Variants in ARPIN observed in about 807,000 individuals in gnomAD.
ARPIN encodes UPF0552 protein C15orf38.
ARPIN carries 23 observed loss-of-function variants against 25.9 expected under a neutral mutation model. The ratio of observed to expected loss-of-function variants is 0.89; its 90% CI spans 0.64 to 1.26. The LOEUF (loss-of-function observed/expected upper bound fraction) is 1.26. ARPIN is among the 50% of genes most tolerant of loss of function. The pLI is 0.00. For synonymous variants in ARPIN, 126 were observed against 131.4 expected, an observed-to-expected ratio of 0.96 and a Z score of 0.28; for missense variants, 333 against 312.2, an observed-to-expected ratio of 1.07 and a Z score of -0.50.
At chr15:89,906,584 C>T (rs560136363) in intron 3 of ARPIN, among the ~76,000 whole-genome samples, 7 of 152,258 alleles carry the variant, frequency 4.6e-5, no homozygotes, top group Non-Finnish European at 8.8e-5. Flanking sequence ...TTCAAGTATA[C>T]GACTGGGTCT....
At chr15:89,912,484 C>T (rs1017538196) in intron 1 of ARPIN, 16 of 1,262,604 alleles carry the variant, frequency 1.3e-5, no homozygotes, top group Non-Finnish European at 1.6e-5. Flanking sequence ...CTTCGGAGAC[C>T]TGTCTGGGGG....
At position 89,900,923 on chromosome 15, in the gene ARPIN, A is replaced by G. The variant is rs558825042; in HGVS notation, c.*872T>C. 6.6e-6 allele frequency: 1 copy of G among 152,390 alleles called. No homozygotes were observed. The highest frequency in any genetic ancestry group is 1.9e-4 in the East Asian group (1 of 5,192). 9.4% of individuals were successfully genotyped at this position (152,390 alleles called of 1,614,324 possible). ...ATAAAAAGTTCTCCAGGTACAAAAC[A>G]ACAACAAAAAAGGTATTCTCAAAAC... On this transcript the variant is annotated 3_prime_UTR_variant, in exon 6 of 6. Coordinates refer to ENST00000357484, the MANE Select transcript of ARPIN (RefSeq NM_182616.4).
intron 2 of ARPIN, among the ~76,000 whole-genome samples, chr15:89,910,323 G>A (rs759177600): frequency 3.3e-5 from 5 of 152,146 alleles, no homozygotes; most frequent in Non-Finnish European, 7.4e-5. Flanking sequence ...GATGGTAAAT[G>A]CCAGGTGTAC....
chr15:89,908,491 C>G (rs1227537797), intron 2 of ARPIN, 79 bp from the exon 3 acceptor site: 27 of 1,584,018 alleles, frequency 1.7e-5, no homozygotes, highest in Non-Finnish European at 2.3e-5. Flanking sequence ...TGCAGCCCCG[C>G]CAACCTCACA....
intron 3 of ARPIN, among the ~76,000 whole-genome samples, chr15:89,907,396 C>A (rs115786642): frequency 0.011 from 1,718 of 152,184 alleles, 26 homozygotes; most frequent in African/African-American, 0.039. Flanking sequence ...GAAAAAAAAT[C>A]ATATGTTGAA....
intron 5 of ARPIN, 133 bp from the exon 6 acceptor site, chr15:89,901,936 T>A: frequency 1.0e-6 from 1 of 1,004,558 alleles, no homozygotes; most frequent in Non-Finnish European, 1.5e-6. Flanking sequence ...GGCGCCTCAT[T>A]AGAGCTGGCC....
intron 1 of ARPIN, chr15:89,912,435 TG>T: frequency 8.4e-7 from 1 of 1,189,376 alleles, no homozygotes; most frequent in Non-Finnish European, 1.0e-6. Context: ...GTTACGCGGG[TG>T]GGGTGGGGCC....
At position 89,904,313 on chromosome 15, in the gene ARPIN, GCCTGGCACATGGACC is replaced by G. The variant is rs568138233; in HGVS notation, c.302-345_302-331del. On this transcript the variant is annotated intron_variant, in intron 3 of 5. Transcript: ENST00000357484. Reference sequence around the variant, plus strand: ...AAGGAAATAAAGCATGTAGCACAGCGCCTGGCACATGGACCCCTAGGTAAGCATTCATATGTTTTC... The same window carrying G: ...AAGGAAATAAAGCATGTAGCACAGCGCCTAGGTAAGCATTCATATGTTTTC... 2.0e-5 allele frequency among the ~76,000 whole-genome samples: 3 copies of G among 152,306 alleles called. No homozygotes were observed. In the South Asian group the frequency reaches 6.2e-4, roughly 32 times the overall value.
chr15:89,908,774 G>C (rs973585436), intron 2 of ARPIN, among the ~76,000 whole-genome samples: 6 of 152,032 alleles, frequency 3.9e-5, no homozygotes, highest in Admixed American at 1.3e-4. Context: ...ACGAGGTCAG[G>C]AGTTCGAGAC....
intron 3 of ARPIN, among the ~76,000 whole-genome samples, chr15:89,907,180 G>A (rs574487184): frequency 1.4e-4 from 21 of 151,436 alleles, no homozygotes; most frequent in African/African-American, 5.1e-4. Context: ...TGATTCTCCT[G>A]CCTCAGCCTC....
intron 3 of ARPIN, among the ~76,000 whole-genome samples, chr15:89,905,649 G>A (rs979812223): frequency 2.0e-5 from 3 of 152,036 alleles, no homozygotes; most frequent in African/African-American, 7.2e-5. Context: ...AGCTCCTCAC[G>A]CCTGTTCCCC....
At position 89,901,771 on chromosome 15, in the gene ARPIN, T is replaced by C; in HGVS notation, c.*24A>G. On this transcript the variant is annotated 3_prime_UTR_variant, in exon 6 of 6. Transcript: ENST00000357484. ...TCCACAATGCTACAGAAGGTGCTGGTGCCCCCAGAGGCAGCCACGTCCCTC... is the reference window on the plus strand; with the variant it reads ...TCCACAATGCTACAGAAGGTGCTGGCGCCCCCAGAGGCAGCCACGTCCCTC... 6.2e-7 allele frequency: 1 copy of C among 1,613,138 alleles called. No homozygotes were observed. Among genetic ancestry groups the C allele is most frequent in the Non-Finnish European group, 8.5e-7 (1 of 1,179,124 alleles).
rs1359006638 is a variant in ARPIN at position 89,896,314 on chromosome 15, T to C, written c.*5481A>G. On this transcript the variant is annotated 3_prime_UTR_variant, in exon 6 of 6. Coordinates refer to ENST00000357484, the MANE Select transcript of ARPIN (RefSeq NM_182616.4). Reference sequence around the variant, plus strand: ...CAGAATTATGAAGAAGAACTAGCTCTGCCAACTATGAAAACCTACTTTGAT... The same window carrying C: ...CAGAATTATGAAGAAGAACTAGCTCCGCCAACTATGAAAACCTACTTTGAT... 1.3e-5 allele frequency: 2 copies of C among 152,248 alleles called. No individual in the cohort carries two copies. Among genetic ancestry groups the C allele is most frequent in the Non-Finnish European group, 2.9e-5 (2 of 68,042 alleles). 9.4% of individuals were successfully genotyped at this position (152,248 alleles called of 1,614,324 possible). A position where few individuals can be genotyped will look rare whatever the true frequency, so the allele number is the denominator to read the frequency against.
intron 3 of ARPIN, among the ~76,000 whole-genome samples, chr15:89,907,397 A>T (rs537575711): frequency 6.6e-6 from 1 of 152,178 alleles, no homozygotes; most frequent in Non-Finnish European, 1.5e-5. Flanking sequence ...AAAAAAAATC[A>T]TATGTTGAAA....
At position 89,903,307 on chromosome 15, in the gene ARPIN, G is replaced by A. The variant is rs764739631; in HGVS notation, c.581C>T (p.Ser194Phe). Residue 194 changes from serine to phenylalanine, a missense_variant, in exon 5 of 6, where the codon TCC becomes TTC. Ser to Phe is a radical substitution (Grantham distance 155). Coordinates refer to ENST00000357484, the MANE Select transcript of ARPIN (RefSeq NM_182616.4). Reference protein sequence around the residue: ...NFTGDGKTGASWTDNIMAQKC... With the variant: ...NFTGDGKTGAFWTDNIMAQKC... ...TTGGGCCATGATGTTGTCTGTCCAG[G>A]ATGCCCCTGTCTTTCCATCACCAGT... 11 of 1,614,064 alleles carry A rather than the reference G, an allele frequency of 6.8e-6. No individual in the cohort carries two copies.
intron 2 of ARPIN, among the ~76,000 whole-genome samples, chr15:89,909,940 G>C (rs148354317): frequency 6.6e-6 from 1 of 152,284 alleles, no homozygotes; most frequent in East Asian, 1.9e-4. Context: ...CTAGGAGAAG[G>C]CCCTGCCTGA....
chr15:89,910,632 C>T (rs1490190951), intron 2 of ARPIN, 112 bp downstream of exon 2: 3 of 1,342,386 alleles, frequency 2.2e-6, no homozygotes, highest in Non-Finnish European at 3.1e-6. Context: ...TTTCTAAGCC[C>T]ATCAAGAATC....
At chr15:89,910,557 T>G (rs1897204923) in intron 2 of ARPIN, among the ~76,000 whole-genome samples, 187 bp downstream of exon 2, 1 of 152,146 alleles carries the variant, frequency 6.6e-6, no homozygotes. Context: ...CAACACAGCC[T>G]TAAACTATTC....
At chr15:89,908,913 G>T (rs1334225902) in intron 2 of ARPIN, among the ~76,000 whole-genome samples, 5 of 152,258 alleles carry the variant, frequency 3.3e-5, no homozygotes, top group Admixed American at 6.5e-5. Flanking sequence ...AGCCCAGGAG[G>T]CGGAGGTTGC....
Sources: gnomAD v4.1 joint callset for allele counts (sites outside exome capture counted in the v4.1 genomes callset) on GRCh38, gnomAD v4.1.1 for gene constraint, MANE v1.5 for transcripts, NCBI Gene and HGNC (gene_info 2026-07-23, HGNC 2026-07-21) for gene names.